The following CAMKMT variants were observed in gnomAD, a reference collection of about 807,000 sequenced individuals.
CAMKMT encodes the protein calmodulin-lysine N-methyltransferase, also known as CaM KMT.
In CAMKMT, 53 loss-of-function variants were observed where a neutral mutation model predicts 48.0. The ratio of observed to expected loss-of-function variants is 1.10; its 90% CI spans 0.89 to 1.39. The LOEUF (loss-of-function observed/expected upper bound fraction) is 1.39. Ranked by LOEUF, CAMKMT falls within the 40% of genes most tolerant of loss-of-function variation. The pLI is 0.00. For synonymous variants in CAMKMT, 165 were observed against 152.3 expected (o/e 1.08, Z -0.61); for missense variants, 428 against 402.7 (o/e 1.06, Z -0.54).
chr2:44,602,878 T>C (rs1671079030), intron 3 of CAMKMT, among the ~76,000 whole-genome samples: 1 of 152,010 alleles, frequency 6.6e-6, no homozygotes, highest in Non-Finnish European at 1.5e-5. Context: ...CAGAGACAAA[T>C]CGTATCACCT....
intron 3 of CAMKMT, among the ~76,000 whole-genome samples, chr2:44,505,845 TA>T (rs1260801274): frequency 2.1e-4 from 1 of 4,684 alleles, no homozygotes; most frequent in Admixed American, 4.1e-3. Flanking sequence ...TTATTTACTT[TA>T]TTTATTTATT....
chr2:44,596,439 A>G (rs1372162769), intron 3 of CAMKMT, among the ~76,000 whole-genome samples: 2 of 151,878 alleles, frequency 1.3e-5, no homozygotes, highest in Non-Finnish European at 2.9e-5. Flanking sequence ...ACAGAGCGAG[A>G]CTCTGTCTCA....
At chr2:44,639,179 A>T (rs1432685095) in intron 3 of CAMKMT, among the ~76,000 whole-genome samples, 1 of 152,230 alleles carries the variant, frequency 6.6e-6, no homozygotes, top group African/African-American at 2.4e-5. Flanking sequence ...ATATTAACAA[A>T]GTTAATTCAG....
chr2:44,414,013 A>G (rs867520269), intron 3 of CAMKMT, among the ~76,000 whole-genome samples: 31 of 152,172 alleles, frequency 2.0e-4, no homozygotes, highest in African/African-American at 7.5e-4. Context: ...TCAGGGTGGC[A>G]TTGTATTGGT....
At chr2:44,538,228 G>A (rs900636631) in intron 3 of CAMKMT, among the ~76,000 whole-genome samples, 1 of 152,030 alleles carries the variant, frequency 6.6e-6, no homozygotes, top group Non-Finnish European at 1.5e-5. Context: ...ATTTAGCCAG[G>A]TGTGGTTGTG....
At chr2:44,721,005 C>T (rs1006782822) in intron 7 of CAMKMT, among the ~76,000 whole-genome samples, 1 of 152,062 alleles carries the variant, frequency 6.6e-6, no homozygotes, top group South Asian at 2.1e-4. Context: ...ATATAGTAAG[C>T]GTTTAGTCAC....
intron 3 of CAMKMT, among the ~76,000 whole-genome samples, chr2:44,543,588 A>G (rs537847173): frequency 8.5e-5 from 13 of 152,060 alleles, no homozygotes; most frequent in African/African-American, 3.1e-4. Context: ...ATTTTTCTTT[A>G]TGTGCCGGGT....
chr2:44,633,742 C>A (rs1014971944), intron 3 of CAMKMT, among the ~76,000 whole-genome samples: 1 of 152,006 alleles, frequency 6.6e-6, no homozygotes, highest in Non-Finnish European at 1.5e-5. Flanking sequence ...GAGTCCACTT[C>A]TATGGTTAAA....
intron 3 of CAMKMT, chr2:44,631,808 A>T (rs1166926896): frequency 3.3e-6 from 1 of 304,194 alleles, no homozygotes; most frequent in Non-Finnish European, 5.9e-6. Flanking sequence ...CTTTTGTATT[A>T]TTTTTTATTA....
At chr2:44,761,911 CAG>C (rs913419226) in intron 9 of CAMKMT, among the ~76,000 whole-genome samples, 1 of 152,106 alleles carries the variant, frequency 6.6e-6, no homozygotes, top group Non-Finnish European at 1.5e-5. Context: ...TACCCACATG[CAG>C]AGATGTAGTA....
rs1174344846 is a variant in CAMKMT at position 44,627,697 on chromosome 2, CTTTTTTTTT to C, written c.377-76564_377-76556del. Among the ~76,000 whole-genome samples the C allele has an allele frequency of 6.6e-3, 492 of 75,076 alleles. 11 individuals are homozygous for C. The highest frequency in any genetic ancestry group is 0.028 in the African/African-American group (463 of 16,698). 49.3% of individuals were successfully genotyped at this position (75,076 alleles called of 152,430 possible). A position where few individuals can be genotyped will look rare whatever the true frequency, so the allele number is the denominator to read the frequency against. Reference sequence around the variant, plus strand: ...TTATTTATAATGGTCCCATTTTATCCTTTTTTTTTTTTTTTTTTTTTTTTTTTTTTGAGA... The same window carrying C: ...TTATTTATAATGGTCCCATTTTATCCTTTTTTTTTTTTTTTTTTTTTGAGA... On this transcript the variant is annotated intron_variant, in intron 3 of 10. Coordinates refer to ENST00000378494, the MANE Select transcript of CAMKMT (RefSeq NM_024766.5).
chr2:44,569,130 G>A (rs1398109822), intron 3 of CAMKMT, among the ~76,000 whole-genome samples: 1 of 152,154 alleles, frequency 6.6e-6, no homozygotes, highest in Non-Finnish European at 1.5e-5. Flanking sequence ...ATGCTGTCCT[G>A]TGATTTTTAT....
At chr2:44,468,152 A>G (rs996189822) in intron 3 of CAMKMT, among the ~76,000 whole-genome samples, 1 of 152,214 alleles carries the variant, frequency 6.6e-6, no homozygotes, top group Non-Finnish European at 1.5e-5. Flanking sequence ...ACAATTCAAC[A>G]GCAAAAAAGC....
chr2:44,627,017 G>A (rs569316542), intron 3 of CAMKMT, among the ~76,000 whole-genome samples: 12 of 152,238 alleles, frequency 7.9e-5, no homozygotes, highest in African/African-American at 2.9e-4. Flanking sequence ...TTTTTTTGGT[G>A]AATGTCCTTT....
In CAMKMT at chr2:44,465,452, G is replaced by A. The variant is rs574160814; in HGVS notation, c.376+75147G>A. Among the ~76,000 whole-genome samples the A allele has an allele frequency of 1.8e-4, 28 of 152,028 alleles. No individual in the cohort carries two copies. In the East Asian group the frequency reaches 2.1e-3, roughly 12 times the overall value. The stretch of plus-strand genomic sequence containing the variant: ...GTCTCTACTAAAAATACAAAAATTA[G>A]CTGGGTGGTGGCGCATGCCTGTACT... On this transcript the variant is annotated intron_variant, in intron 3 of 10. Coordinates refer to ENST00000378494, the MANE Select transcript of CAMKMT (RefSeq NM_024766.5).
rs1448727040 is a variant in CAMKMT at position 44,688,195 on chromosome 2, A to G, written c.377-16088A>G. Among the ~76,000 whole-genome samples the G allele has an allele frequency of 2.6e-5, 4 of 151,238 alleles. No homozygotes were observed. The East Asian group carries it at 7.7e-4, about 29-fold the overall frequency. ...TGAAATCAAATTCATTTCCTTAACA[A>G]AAAAAAAAGGTGTTAAAGACAATCA... On this transcript the variant is annotated intron_variant, in intron 3 of 10. Coordinates refer to ENST00000378494, the MANE Select transcript of CAMKMT (RefSeq NM_024766.5).
At chr2:44,720,274 G>C (rs142855777) in intron 7 of CAMKMT, among the ~76,000 whole-genome samples, 30 of 152,166 alleles carry the variant, frequency 2.0e-4, no homozygotes, top group Admixed American at 1.4e-3. Context: ...TTTTATTTTA[G>C]AATAACATTG....
chr2:44,767,588 T>A (rs536418208), intron 10 of CAMKMT, among the ~76,000 whole-genome samples: 1 of 152,300 alleles, frequency 6.6e-6, no homozygotes, highest in South Asian at 2.1e-4. Context: ...GGGGGAAAAA[T>A]GGTGCTTTGT....
At chr2:44,362,660 G>A (rs375735292) in intron 1 of CAMKMT, among the ~76,000 whole-genome samples, 32 of 152,320 alleles carry the variant, frequency 2.1e-4, no homozygotes, top group African/African-American at 4.6e-4. Context: ...GAGCGTGCAA[G>A]GAGTAGGAAA....
Sources: gnomAD v4.1 joint callset for allele counts (sites outside exome capture counted in the v4.1 genomes callset) on GRCh38, gnomAD v4.1.1 for gene constraint, MANE v1.5 for transcripts, NCBI Gene and HGNC (gene_info 2026-07-23, HGNC 2026-07-21) for gene names.